Variants in PLG observed in about 807,000 individuals in gnomAD.
The protein encoded by PLG is plasminogen.
A neutral mutation model predicts 104.4 loss-of-function variants in PLG; 41 were observed. The observed-to-expected ratio is 0.39, with a 90% confidence interval of 0.31 to 0.51. The LOEUF is 0.51. Ranked by LOEUF, PLG falls within the 20% of genes least tolerant of loss-of-function variation. The pLI is 0.76. For missense variants in PLG, 891 were observed against 1,003.6 expected (o/e 0.89, Z 1.52); for synonymous variants, 337 against 357.1 (o/e 0.94, Z 0.63).
rs566375436 is a variant in PLG at position 160,739,696 on chromosome 6, G to C, written c.2018+488G>C. Among the ~76,000 whole-genome samples, 39 of 150,890 alleles carry C rather than the reference G, an allele frequency of 2.6e-4. No homozygotes were observed. Among genetic ancestry groups the C allele is most frequent in the Non-Finnish European group, 3.5e-4 (24 of 67,704 alleles). ...GGGTCACTTGAGTCCCGGAGTTTGA[G>C]GCTGCAGTGAGTTATGATCGTGTCA... On this transcript the variant is annotated intron_variant, in intron 16 of 18. Coordinates refer to ENST00000308192, the MANE Select transcript of PLG (RefSeq NM_000301.5). This position sits in a 1 kb window ranked among gnomAD's most constrained non-coding sequence, Gnocchi z 4.4.
chr6:160,731,775 G>C lies in PLG; in HGVS notation c.1469G>C (p.Arg490Pro). 1 of 1,613,938 alleles carries C rather than the reference G, an allele frequency of 6.2e-7. No homozygotes were observed. The highest frequency in any genetic ancestry group is 2.2e-5 in the East Asian group (1 of 44,880). The change falls in exon 12 of 19, where the codon CGA (arginine) becomes CCA (proline). Residue 490 changes from arginine (R) to proline (P), a missense_variant. Arg to Pro is a moderately radical substitution (Grantham distance 103). Coordinates refer to ENST00000308192, the MANE Select transcript of PLG (RefSeq NM_000301.5). This position sits in a 1 kb window ranked among gnomAD's most constrained non-coding sequence, Gnocchi z 5.1. ...ATGTTTGGGAATGGGAAAGGATACCGAGGCAAGAGGGCGACCACTGTTACT... is the reference window on the plus strand; with the variant it reads ...ATGTTTGGGAATGGGAAAGGATACCCAGGCAAGAGGGCGACCACTGTTACT... ...DCMFGNGKGY[R>P]GKRATTVTGT...
Position 160,736,437 on chromosome 6 carries a change from C to T in PLG, c.1682-450C>T, listed in dbSNP as rs1413743013. 6.6e-6 allele frequency among the ~76,000 whole-genome samples: 1 copy of T among 152,030 alleles called. No individual in the cohort carries two copies. ...CAGAGACTCACATGGAAAAATAAAC[C>T]TTTGTGCCTTTCAGCAGTGATGACA... On this transcript the variant is annotated intron_variant, in intron 13 of 18. Transcript: ENST00000308192. This position sits in a 1 kb window ranked among gnomAD's most constrained non-coding sequence, Gnocchi z 5.2.
At chr6:160,704,320 C>A (rs1777478786) in intron 1 of PLG, among the ~76,000 whole-genome samples, 1 of 152,182 alleles carries the variant, frequency 6.6e-6, no homozygotes, top group Non-Finnish European at 1.5e-5. Context: ...GGGAGGGGAT[C>A]TCAGCAGCGA....
rs1287367246 is a variant in PLG at position 160,735,456 on chromosome 6, G to C, written c.1681+1368G>C. 6.6e-6 allele frequency among the ~76,000 whole-genome samples: 1 copy of C among 152,188 alleles called. No homozygotes were observed. The highest frequency in any genetic ancestry group is 1.5e-5 in the Non-Finnish European group (1 of 68,048). ...ACAAGAATCAGGTTCTTAGAGATTG[G>C]AGAAAGAAGGAAGAATGGGAACAAG... On this transcript the variant is annotated intron_variant, in intron 13 of 18. Transcript: ENST00000308192. The surrounding 1 kb of genome is among the most constrained non-coding windows in gnomAD (Gnocchi z 5.4).
intron 17 of PLG, among the ~76,000 whole-genome samples, chr6:160,749,749 G>A (rs972782552): frequency 7.0e-6 from 1 of 143,296 alleles, no homozygotes; most frequent in Admixed American, 7.0e-5. Flanking sequence ...ACCACCACCA[G>A]TACCATCACC....
rs1284749496 is a variant in PLG, at chr6:160,741,524, G to T, written c.2125+107G>T. On this transcript the variant is annotated intron_variant, in intron 17 of 18. Transcript: ENST00000308192. This position sits in a 1 kb window ranked among gnomAD's most constrained non-coding sequence, Gnocchi z 4.7. Reference sequence around the variant, plus strand: ...TGTGCAAATTCCTATCCATGAATGTGGTCCACCCCACTCCTGATTTTGCCT... The same window carrying T: ...TGTGCAAATTCCTATCCATGAATGTTGTCCACCCCACTCCTGATTTTGCCT... The T allele has an allele frequency of 3.8e-6, 3 of 790,396 alleles. No homozygotes were observed. Among genetic ancestry groups the T allele is most frequent in the Admixed American group, 3.9e-5 (2 of 50,666 alleles). 49.0% of individuals were successfully genotyped at this position (790,396 alleles called of 1,614,324 possible).
intron 17 of PLG, among the ~76,000 whole-genome samples, chr6:160,748,116 C>A (rs1293403245): frequency 1.3e-5 from 2 of 151,512 alleles, no homozygotes; most frequent in South Asian, 2.1e-4. Flanking sequence ...ACGAGCCTGA[C>A]CAACACGGTG....
At chr6:160,709,190 A>C (rs1777589332) in intron 3 of PLG, among the ~76,000 whole-genome samples, 1 of 152,094 alleles carries the variant, frequency 6.6e-6, no homozygotes, top group African/African-American at 2.4e-5. Flanking sequence ...AGAAGTGAAA[A>C]GTCAAAAGTC....
At chr6:160,705,141 G>A (rs1407497305) in intron 1 of PLG, among the ~76,000 whole-genome samples, 4 of 152,094 alleles carry the variant, frequency 2.6e-5, no homozygotes, top group African/African-American at 9.7e-5. Context: ...CATGGAGCTT[G>A]CCTGTCTTCA....
chr6:160,732,823 C>T lies in PLG; in HGVS notation c.1587+930C>T, dbSNP rs1161609033. ...TTCCATGCCCTCTCCAGTGCACCAG[C>T]CCCCGGTACCCCAAGTGTTCAGCAA... On this transcript the variant is annotated intron_variant, in intron 12 of 18. Transcript: ENST00000308192. The surrounding 1 kb of genome is among the most constrained non-coding windows in gnomAD (Gnocchi z 4.5). 6.6e-6 allele frequency among the ~76,000 whole-genome samples: 1 copy of T among 152,134 alleles called. No homozygotes were observed. Among genetic ancestry groups the T allele is most frequent in the African/African-American group, 2.4e-5 (1 of 41,426 alleles).
At position 160,744,662 on chromosome 6, in the gene PLG, G is replaced by A. The variant is rs910652455; in HGVS notation, c.2125+3245G>A. Reference sequence around the variant, plus strand: ...AATTTTCATGTCTTGACTTTCTTCAGTTCAGCTCTGATTTTGGTTATTTCT... The same window carrying A: ...AATTTTCATGTCTTGACTTTCTTCAATTCAGCTCTGATTTTGGTTATTTCT... On this transcript the variant is annotated intron_variant, in intron 17 of 18. Transcript: ENST00000308192. The surrounding 1 kb of genome is among the most constrained non-coding windows in gnomAD (Gnocchi z 4.5). Among the ~76,000 whole-genome samples the A allele has an allele frequency of 5.9e-5, 9 of 152,104 alleles. No homozygotes were observed. Among genetic ancestry groups the A allele is most frequent in the Non-Finnish European group, 8.8e-5 (6 of 68,010 alleles).
intron 7 of PLG, among the ~76,000 whole-genome samples, chr6:160,717,804 C>T (rs1777764254): frequency 6.6e-6 from 1 of 152,204 alleles, no homozygotes; most frequent in Non-Finnish European, 1.5e-5. Context: ...AAGGGTCTCA[C>T]AGGCATAGAT....
At chr6:160,746,838 A>G (rs1344633080) in intron 17 of PLG, among the ~76,000 whole-genome samples, 1 of 152,160 alleles carries the variant, frequency 6.6e-6, no homozygotes, top group Non-Finnish European at 1.5e-5. Context: ...CTTTGGTTTC[A>G]TAGTGTGGTA....
chr6:160,711,937 TC>T, intron 4 of PLG: 1 of 1,300,158 alleles, frequency 7.7e-7, no homozygotes, highest in Non-Finnish European at 9.8e-7. Flanking sequence ...TTTGTACTTT[TC>T]CCAGTTTGGT....
intron 5 of PLG, among the ~76,000 whole-genome samples, chr6:160,714,470 C>T (rs1238786830): frequency 7.0e-6 from 1 of 142,388 alleles, no homozygotes; most frequent in Non-Finnish European, 1.6e-5. Context: ...ATATATGCAC[C>T]CTTGGCTCCC....
chr6:160,710,381 T>A (rs868117134), intron 3 of PLG, among the ~76,000 whole-genome samples: 19 of 152,134 alleles, frequency 1.2e-4, no homozygotes, highest in Middle Eastern at 6.8e-3. Flanking sequence ...AGCACATAAC[T>A]CACGTGGGGG....
At chr6:160,714,693 G>T in intron 5 of PLG, 101 bp from the exon 6 acceptor site, 1 of 1,135,428 alleles carries the variant, frequency 8.8e-7, no homozygotes. Flanking sequence ...TGAGAGGCAA[G>T]TCGCACTTAA....
intron 3 of PLG, chr6:160,708,578 C>T (rs571624177): frequency 2.6e-5 from 4 of 152,136 alleles, no homozygotes; most frequent in African/African-American, 9.7e-5. Flanking sequence ...AAACTGTTTC[C>T]TCTACTGTGT....
Position 160,738,294 on chromosome 6 carries a change from G to T in PLG, c.1803-244G>T. 1.9e-6 allele frequency: 1 copy of T among 519,722 alleles called. No homozygotes were observed. Among genetic ancestry groups the T allele is most frequent in the Admixed American group, 2.8e-5 (1 of 35,768 alleles). 32.2% of individuals were successfully genotyped at this position (519,722 alleles called of 1,614,324 possible). ...GAGTTACTTAGCTTTGCTCTCCTGT[G>T]GACAGGCCATGCCTGTGCCTCCCCC... On this transcript the variant is annotated intron_variant, in intron 14 of 18. Coordinates refer to ENST00000308192, the MANE Select transcript of PLG (RefSeq NM_000301.5). This position sits in a 1 kb window ranked among gnomAD's most constrained non-coding sequence, Gnocchi z 6.8.
Sources: allele counts gnomAD v4.1 joint callset (sites outside exome capture counted in the v4.1 genomes callset), GRCh38; gene constraint gnomAD v4.1.1; non-coding constraint Gnocchi (gnomAD v3.1); transcripts MANE v1.5; gene names NCBI Gene and HGNC (gene_info 2026-07-23, HGNC 2026-07-21).